The following MSI2 variants were observed in gnomAD, a reference collection of about 807,000 sequenced individuals.
The protein encoded by MSI2 is musashi RNA binding protein 2.
A neutral mutation model predicts 45.6 loss-of-function variants in MSI2; 17 were observed. The observed-to-expected ratio is 0.37, with a 90% confidence interval of 0.26 to 0.56. The LOEUF (loss-of-function observed/expected upper bound fraction) is 0.56, where lower values mean the gene tolerates loss of function less well. Ranked by LOEUF, MSI2 falls within the 20% of genes least tolerant of loss-of-function variation. MSI2 has a pLI of 0.77. For missense variants in MSI2, 293 were observed against 444.2 expected, an observed-to-expected ratio of 0.66 and a Z score of 3.06; for synonymous variants, 156 against 158.2, an observed-to-expected ratio of 0.99 and a Z score of 0.11.
At chr17:57,524,853 C>A (rs1329691310) in intron 6 of MSI2, among the ~76,000 whole-genome samples, 1 of 152,240 alleles carries the variant, frequency 6.6e-6, no homozygotes, top group Non-Finnish European at 1.5e-5. Flanking sequence ...GAAGAAGCAA[C>A]CTCTGCCCAG....
At chr17:57,286,114 A>G in intron 5 of MSI2, 2 of 752,640 alleles carry the variant, frequency 2.7e-6, no homozygotes, top group African/African-American at 3.6e-5. Flanking sequence ...TCTTTTGTCT[A>G]ATACCTAATT....
intron 8 of MSI2, among the ~76,000 whole-genome samples, chr17:57,615,391 A>G (rs1201507208): frequency 6.6e-6 from 1 of 152,000 alleles, no homozygotes; most frequent in Non-Finnish European, 1.5e-5. Context: ...TCCACCTCCC[A>G]CAGTGCTGGG....
intron 5 of MSI2, among the ~76,000 whole-genome samples, chr17:57,365,981 C>G (rs1038466888): frequency 6.6e-6 from 1 of 151,988 alleles, no homozygotes; most frequent in African/African-American, 2.4e-5. Flanking sequence ...GGTGTGATAT[C>G]GACTCACTGC....
intron 5 of MSI2, among the ~76,000 whole-genome samples, chr17:57,342,186 G>C (rs1915225068): frequency 6.6e-6 from 1 of 152,178 alleles, no homozygotes; most frequent in Non-Finnish European, 1.5e-5. Flanking sequence ...TGCTTTTTGA[G>C]CTAATTGGTT....
chr17:57,309,700 C>T (rs141959554), intron 5 of MSI2, among the ~76,000 whole-genome samples: 1 of 152,242 alleles, frequency 6.6e-6, no homozygotes, highest in African/African-American at 2.4e-5. Context: ...CAGATGGTCA[C>T]GTGTCAGTTT....
chr17:57,391,275 T>A (rs1304484857), intron 5 of MSI2, among the ~76,000 whole-genome samples: 2 of 152,170 alleles, frequency 1.3e-5, no homozygotes, highest in Non-Finnish European at 2.9e-5. Flanking sequence ...GACAGAACCC[T>A]TGTGTGGATG....
chr17:57,343,266 G>T (rs1348235925), intron 5 of MSI2, among the ~76,000 whole-genome samples: 5 of 152,048 alleles, frequency 3.3e-5, no homozygotes, highest in Admixed American at 3.3e-4. Context: ...GAAGCCAGGA[G>T]GTGCAGTCCC....
At chr17:57,447,249 G>C (rs758854459) in intron 6 of MSI2, among the ~76,000 whole-genome samples, 2 of 152,076 alleles carry the variant, frequency 1.3e-5, no homozygotes, top group African/African-American at 2.4e-5. Flanking sequence ...GCCATGCTCA[G>C]CTGGTTTGTT....
At chr17:57,391,571 A>G (rs2083791250) in intron 5 of MSI2, among the ~76,000 whole-genome samples, 2 of 152,088 alleles carry the variant, frequency 1.3e-5, no homozygotes, top group African/African-American at 2.4e-5. Context: ...TCGTGCCACC[A>G]TTTCTAGGGC....
chr17:57,452,203 G>A (rs2085032249), intron 6 of MSI2, among the ~76,000 whole-genome samples: 2 of 152,194 alleles, frequency 1.3e-5, no homozygotes, highest in Non-Finnish European at 2.9e-5. Context: ...CTGGTGTCTG[G>A]GAGGCAGGTT....
At chr17:57,643,202 C>T (rs949533736) in intron 10 of MSI2, among the ~76,000 whole-genome samples, 7 of 152,114 alleles carry the variant, frequency 4.6e-5, no homozygotes, top group African/African-American at 1.4e-4. Context: ...GAGGAATTTC[C>T]GTGGAATTCA....
intron 5 of MSI2, among the ~76,000 whole-genome samples, chr17:57,348,165 C>G (rs1915767008): frequency 6.6e-6 from 1 of 152,176 alleles, no homozygotes; most frequent in Non-Finnish European, 1.5e-5. Context: ...CCTAGTGGTA[C>G]AAGTTGCTTG....
At chr17:57,368,710 C>A (rs792369) in intron 5 of MSI2, among the ~76,000 whole-genome samples, 110,382 of 152,146 alleles carry the variant, frequency 0.73, 40,318 homozygotes, top group Admixed American at 0.79. Flanking sequence ...ATTAGAATAT[C>A]GGCAGATAAG....
chr17:57,412,755 C>T (rs1233640558), intron 6 of MSI2, among the ~76,000 whole-genome samples: 2 of 152,190 alleles, frequency 1.3e-5, no homozygotes, highest in Non-Finnish European at 2.9e-5. Flanking sequence ...TTTTGGCCCT[C>T]AGACTGTATA....
chr17:57,436,119 G>A (rs565945255), intron 6 of MSI2, among the ~76,000 whole-genome samples: 79 of 152,328 alleles, frequency 5.2e-4, no homozygotes, highest in African/African-American at 1.8e-3. Flanking sequence ...TTGTGGAAGC[G>A]GGTATCACTG....
intron 9 of MSI2, chr17:57,625,660 T>C (rs1567944407): frequency 6.6e-6 from 1 of 152,274 alleles, no homozygotes; most frequent in Non-Finnish European, 1.5e-5. Flanking sequence ...GCCTGGAGGC[T>C]GTCATAAGTC....
At chr17:57,343,322 CT>C (rs555791940) in intron 5 of MSI2, among the ~76,000 whole-genome samples, 2,728 of 142,040 alleles carry the variant, frequency 0.019, 47 homozygotes, top group African/African-American at 0.054. Context: ...CTCCCTTTTG[CT>C]TTTTTTTTTT....
intron 7 of MSI2, among the ~76,000 whole-genome samples, chr17:57,566,774 G>A (rs1209037359): frequency 6.6e-6 from 1 of 152,120 alleles, no homozygotes; most frequent in African/African-American, 2.4e-5. Flanking sequence ...TCTGGTTGGG[G>A]CCACCAGTCA....
intron 2 of MSI2, 29 bp from the exon 3 acceptor site, chr17:57,257,437 C>CT: frequency 1.7e-6 from 2 of 1,182,344 alleles, no homozygotes; most frequent in Non-Finnish European, 1.2e-6. Flanking sequence ...TTCTCTCCCC[C>CT]CCCCATCTCT....
Sources: gnomAD v4.1 joint callset for allele counts (sites outside exome capture counted in the v4.1 genomes callset) on GRCh38, gnomAD v4.1.1 for gene constraint, MANE v1.5 for transcripts, NCBI Gene and HGNC (gene_info 2026-07-23, HGNC 2026-07-21) for gene names.